The following USH2A variants were observed in gnomAD, a reference collection of about 807,000 sequenced individuals.
The protein encoded by USH2A is Usher syndrome 2A (autosomal recessive, mild).
USH2A carries 443 observed loss-of-function variants against 538.9 expected under a neutral mutation model. That is an observed-to-expected ratio of 0.82 (90% CI 0.76 to 0.89). The LOEUF (loss-of-function observed/expected upper bound fraction) is 0.89, where lower values mean the gene tolerates loss of function less well. Among genes scored for constraint, USH2A ranks in the 40% least tolerant of loss-of-function variants. The probability of loss-of-function intolerance (pLI) is 0.00; values close to 1 mark genes in which losing one functional copy is unlikely to be tolerated. For missense variants in USH2A, 6,633 were observed against 6,324.8 expected (o/e 1.05, Z -1.65); for synonymous variants, 2,413 against 2,273.5 (o/e 1.06, Z -1.75).
At position 216,235,532 on chromosome 1, in the gene USH2A, G is replaced by C. The variant is rs544797101; in HGVS notation, c.2810-3396C>G. ...AAATGTATCATCCAGCTAAAACAAA[G>C]AGTCACCCATATTGTAAAATAGTGT... On this transcript the variant is annotated intron_variant, in intron 13 of 71. Transcript: ENST00000307340. Among the ~76,000 whole-genome samples the C allele has an allele frequency of 8.5e-5, 13 of 152,256 alleles. No individual in the cohort carries two copies. In the South Asian group the frequency reaches 2.7e-3, roughly 32 times the overall value.
At chr1:215,954,501 G>A (rs1390186757) in intron 37 of USH2A, among the ~76,000 whole-genome samples, 2 of 146,452 alleles carry the variant, frequency 1.4e-5, no homozygotes, top group South Asian at 2.2e-4. Context: ...ACTCATAGGT[G>A]GGAATTGAAC....
chr1:216,334,659 C>T (rs749887786), intron 4 of USH2A, among the ~76,000 whole-genome samples: 12 of 151,808 alleles, frequency 7.9e-5, no homozygotes, highest in Non-Finnish European at 1.6e-4. Flanking sequence ...TAAACAATAA[C>T]CAAAAGAGAG....
At chr1:216,153,594 C>T (rs2033882541) in intron 21 of USH2A, among the ~76,000 whole-genome samples, 1 of 152,182 alleles carries the variant, frequency 6.6e-6, no homozygotes, top group Non-Finnish European at 1.5e-5. Flanking sequence ...TTGACAGACA[C>T]CACTAGTGTC....
intron 3 of USH2A, among the ~76,000 whole-genome samples, chr1:216,370,078 G>A (rs2038676890): frequency 6.6e-6 from 1 of 152,014 alleles, no homozygotes; most frequent in African/African-American, 2.4e-5. Flanking sequence ...CAAAAATTTG[G>A]CCAGGCACAA....
chr1:216,058,056 T>C (rs573309216), intron 30 of USH2A, among the ~76,000 whole-genome samples: 27 of 152,192 alleles, frequency 1.8e-4, no homozygotes, highest in Admixed American at 1.1e-3. Flanking sequence ...CTTTAACCAT[T>C]ATTTCTTCCT....
chr1:216,209,983 G>A (rs184498481), intron 15 of USH2A, among the ~76,000 whole-genome samples: 255 of 152,088 alleles, frequency 1.7e-3, no homozygotes, highest in Non-Finnish European at 2.9e-3. Context: ...TCTTAGAGCC[G>A]GCCATAAGGA....
chr1:215,687,192 G>T (rs1658452812), intron 61 of USH2A, among the ~76,000 whole-genome samples: 1 of 152,082 alleles, frequency 6.6e-6, no homozygotes, highest in African/African-American at 2.4e-5. Context: ...CTGGGTTCTA[G>T]CTAATGCTGT....
intron 40 of USH2A, among the ~76,000 whole-genome samples, chr1:215,890,408 A>G (rs1465528027): frequency 6.6e-6 from 1 of 152,162 alleles, no homozygotes; most frequent in Non-Finnish European, 1.5e-5. Context: ...TTATATGAGT[A>G]CACTTTCACA....
chr1:215,912,485 ATATATGTG>A (rs1665823297), intron 38 of USH2A, among the ~76,000 whole-genome samples: 476 of 27,738 alleles, frequency 0.017, 2 homozygotes, highest in African/African-American at 0.07. Flanking sequence ...ACGTATATAT[ATATATGTG>A]TATATATATA....
chr1:216,221,394 T>A (rs373845522), intron 14 of USH2A, among the ~76,000 whole-genome samples: 1 of 152,212 alleles, frequency 6.6e-6, no homozygotes, highest in African/African-American at 2.4e-5. Flanking sequence ...TGTGGTTTCA[T>A]TGAGCTTCTT....
Position 215,625,593 on chromosome 1 carries a change from A to G in USH2A, c.*188T>C. On this transcript the variant is annotated 3_prime_UTR_variant, in exon 72 of 72. Transcript: ENST00000307340. ...ATATGAATATTCTCTCTCATTTAAG[A>G]TGAGAAAAATATCATTTCTTAGACC... The G allele has an allele frequency of 1.6e-6, 1 of 634,136 alleles. No homozygotes were observed. Among genetic ancestry groups the G allele is most frequent in the South Asian group, 1.9e-5 (1 of 52,922 alleles). 39.3% of individuals were successfully genotyped at this position (634,136 alleles called of 1,614,324 possible).
chr1:216,133,552 T>C (rs1028387848), intron 21 of USH2A, among the ~76,000 whole-genome samples: 5 of 152,050 alleles, frequency 3.3e-5, no homozygotes, highest in South Asian at 2.1e-4. Context: ...ATTGTGATCG[T>C]TGACTGCTGA....
At chr1:216,357,989 T>C (rs936453885) in intron 4 of USH2A, among the ~76,000 whole-genome samples, 1 of 152,176 alleles carries the variant, frequency 6.6e-6, no homozygotes, top group Non-Finnish European at 1.5e-5. Context: ...TCTATTTGTA[T>C]ACATAAAATT....
chr1:216,050,385 TA>T (rs1471817833), intron 30 of USH2A, among the ~76,000 whole-genome samples: 2 of 151,890 alleles, frequency 1.3e-5, no homozygotes, highest in Non-Finnish European at 1.5e-5. Flanking sequence ...GAGATGGGGA[TA>T]ATATAGTACT....
At chr1:215,700,804 T>A (rs747370298) in intron 61 of USH2A, among the ~76,000 whole-genome samples, 2 of 152,178 alleles carry the variant, frequency 1.3e-5, no homozygotes, top group Non-Finnish European at 2.9e-5. Flanking sequence ...TGTCTCTATC[T>A]TCTTCAGTTC....
Position 215,778,344 on chromosome 1 carries a change from A to C in USH2A, c.10939+1499T>G, listed in dbSNP as rs1458230843. Among the ~76,000 whole-genome samples, 4 of 152,056 alleles carry C rather than the reference A, an allele frequency of 2.6e-5. No individual in the cohort carries two copies. The East Asian group carries it at 7.7e-4, about 29-fold the overall frequency. On this transcript the variant is annotated intron_variant, in intron 55 of 71. Transcript: ENST00000307340. ...TGAGATTACAGGCATGAGCCACCGC[A>C]CCCAGCCTCAACACTATCATCATTG...
At chr1:215,732,547 T>TC (rs1276447939) in intron 60 of USH2A, among the ~76,000 whole-genome samples, 15 of 23,012 alleles carry the variant, frequency 6.5e-4, no homozygotes, top group East Asian at 3.9e-3. Flanking sequence ...TTTCTTTCTT[T>TC]TTTTTTTTTT....
chr1:215,866,386 A>T (rs896679198), intron 44 of USH2A, among the ~76,000 whole-genome samples: 1 of 152,144 alleles, frequency 6.6e-6, no homozygotes, highest in Admixed American at 6.5e-5. Flanking sequence ...AATGCCTGTT[A>T]AAAAAGTGTT....
rs1237143756 is a variant in USH2A, at chr1:215,624,392, A to C, written c.*1389T>G. On this transcript the variant is annotated 3_prime_UTR_variant, in exon 72 of 72. Coordinates refer to ENST00000307340, the MANE Select transcript of USH2A (RefSeq NM_206933.4). ...ACATTGTTTTCAGGCAGAATAAGTAAGACTATCCCTTACTTTACAAGTTTT... is the reference window on the plus strand; with the variant it reads ...ACATTGTTTTCAGGCAGAATAAGTACGACTATCCCTTACTTTACAAGTTTT... 1 of 152,158 alleles carries C rather than the reference A, an allele frequency of 6.6e-6. No homozygotes were observed. The highest frequency in any genetic ancestry group is 2.4e-5 in the African/African-American group (1 of 41,438). The allele number at this position is 152,158 out of a possible 1,614,324, so 9.4% of individuals were successfully genotyped here.
Sources: allele counts gnomAD v4.1 joint callset (sites outside exome capture counted in the v4.1 genomes callset), GRCh38; gene constraint gnomAD v4.1.1; transcripts MANE v1.5; gene names NCBI Gene and HGNC (gene_info 2026-07-23, HGNC 2026-07-21).